The following PRR16 variants were observed in gnomAD, a reference collection of about 807,000 sequenced individuals.
The protein encoded by PRR16 is proline rich 16.
PRR16 carries 6 observed loss-of-function variants against 18.2 expected under a neutral mutation model. The ratio of observed to expected loss-of-function variants is 0.33; its 90% confidence interval spans 0.18 to 0.65. The LOEUF is 0.65. Ranked by LOEUF, PRR16 falls within the 30% of genes least tolerant of loss-of-function variation. The pLI, the probability that PRR16 is intolerant of heterozygous loss-of-function variation, is 0.74. For missense variants in PRR16, 412 were observed against 376.6 expected (o/e 1.09, Z -0.78); for synonymous variants, 151 against 147.8 (o/e 1.02, Z -0.16).
intron 1 of PRR16, among the ~76,000 whole-genome samples, chr5:120,482,920 C>A (rs1749667199): frequency 6.6e-6 from 1 of 152,144 alleles, no homozygotes; most frequent in South Asian, 2.1e-4. Flanking sequence ...TTTTCAGTGT[C>A]TGAACAACTG....
At position 120,599,766 on chromosome 5, in the gene PRR16, G is replaced by A. The variant is rs77752354; in HGVS notation, c.160-86188G>A. The stretch of plus-strand genomic sequence containing the variant: ...GCCTTGACCTGGCCTCTAGCCCAGC[G>A]TCTTTCAGTTTAGAACCAAGTCTTT... On this transcript the variant is annotated intron_variant, in intron 1 of 1. Transcript: ENST00000407149. Among the ~76,000 whole-genome samples, 369 of 151,878 alleles carry A rather than the reference G, an allele frequency of 2.4e-3. 2 individuals are homozygous for A. Among genetic ancestry groups the A allele is most frequent in the African/African-American group, 8.6e-3 (356 of 41,466 alleles).
chr5:120,586,676 G>A (rs1010470460), intron 1 of PRR16, among the ~76,000 whole-genome samples: 1 of 152,120 alleles, frequency 6.6e-6, no homozygotes, highest in Non-Finnish European at 1.5e-5. Flanking sequence ...GAGAAATGTT[G>A]TGTATGTTCT....
chr5:120,750,321 C>A, the PRR16 span, among the ~76,000 whole-genome samples: 2 of 152,006 alleles, frequency 1.3e-5, no homozygotes, highest in African/African-American at 4.8e-5. Flanking sequence ...TCAACCAATA[C>A]TTTTACCCCG....
chr5:120,485,701 A>T (rs1749774954), intron 1 of PRR16, among the ~76,000 whole-genome samples: 1 of 152,126 alleles, frequency 6.6e-6, no homozygotes, highest in South Asian at 2.1e-4. Context: ...CACAACGTGC[A>T]GGTTAGTTAC....
At chr5:120,624,962 T>G (rs1219172688) in intron 1 of PRR16, among the ~76,000 whole-genome samples, 2 of 152,108 alleles carry the variant, frequency 1.3e-5, no homozygotes, top group African/African-American at 4.8e-5. Context: ...TGCCACCATG[T>G]GAGATGTGCC....
At chr5:120,470,076 A>C (rs1473092077) in intron 1 of PRR16, among the ~76,000 whole-genome samples, 1 of 152,184 alleles carries the variant, frequency 6.6e-6, no homozygotes, top group African/African-American at 2.4e-5. Context: ...AGGAAAAAAG[A>C]TAGAAATGCA....
At chr5:120,653,254 T>A (rs1319689138) in intron 1 of PRR16, among the ~76,000 whole-genome samples, 2 of 151,900 alleles carry the variant, frequency 1.3e-5, no homozygotes, top group Non-Finnish European at 2.9e-5. Flanking sequence ...AGTTGAGCTA[T>A]AATTATGATT....
chr5:120,622,554 C>T (rs1020147300), intron 1 of PRR16, among the ~76,000 whole-genome samples: 1 of 152,058 alleles, frequency 6.6e-6, no homozygotes, highest in Non-Finnish European at 1.5e-5. Flanking sequence ...TCTTGGCTCA[C>T]TGCAACCTCC....
At chr5:120,694,195 G>GT in the PRR16 span, among the ~76,000 whole-genome samples, 4 of 152,062 alleles carry the variant, frequency 2.6e-5, no homozygotes, top group African/African-American at 9.7e-5. Context: ...ATGGTGGATT[G>GT]TTTTTTATTT....
chr5:120,503,658 CTTTAAG>C lies in PRR16; in HGVS notation c.159+39017_159+39022del, dbSNP rs574535382. ...AGGCAGTGATTTTTTTTTTATTATA[CTTTAAG>C]TTTTAGGGTACATGTGCACAATGTG... is the stretch of plus-strand genomic sequence containing the variant. On this transcript the variant is annotated intron_variant, in intron 1 of 1. Coordinates refer to ENST00000407149, the MANE Select transcript of PRR16 (RefSeq NM_001300783.2). Among the ~76,000 whole-genome samples, 81 of 151,936 alleles carry C rather than the reference CTTTAAG, an allele frequency of 5.3e-4. 1 individual carries two copies. The South Asian group carries it at 0.014, about 26-fold the overall frequency.
chr5:120,652,556 T>C (rs1471183352), intron 1 of PRR16, among the ~76,000 whole-genome samples: 1 of 152,038 alleles, frequency 6.6e-6, no homozygotes, highest in Non-Finnish European at 1.5e-5. Flanking sequence ...CTCTGTGGTC[T>C]TCTCAAAAAC....
chr5:120,780,848 G>A, the PRR16 span, among the ~76,000 whole-genome samples: 1 of 152,112 alleles, frequency 6.6e-6, no homozygotes, highest in Non-Finnish European at 1.5e-5. Context: ...TCAGGAGATC[G>A]AGAGCATCCT....
chr5:120,586,339 A>C (rs1338519748), intron 1 of PRR16, among the ~76,000 whole-genome samples: 1 of 152,162 alleles, frequency 6.6e-6, no homozygotes, highest in Non-Finnish European at 1.5e-5. Flanking sequence ...TTTTATCTTT[A>C]TTTCAACTGT....
intron 1 of PRR16, among the ~76,000 whole-genome samples, chr5:120,593,991 G>A (rs896409010): frequency 6.6e-6 from 1 of 151,930 alleles, no homozygotes; most frequent in Non-Finnish European, 1.5e-5. Flanking sequence ...AGGCACAGAA[G>A]GAACGTACTT....
At chr5:120,489,310 G>A in intron 1 of PRR16, among the ~76,000 whole-genome samples, 1 of 152,094 alleles carries the variant, frequency 6.6e-6, no homozygotes. Context: ...GGTCTCTAAG[G>A]ACTTGCCTTA....
intron 1 of PRR16, among the ~76,000 whole-genome samples, chr5:120,533,205 T>A (rs146459573): frequency 6.6e-6 from 1 of 152,312 alleles, no homozygotes; most frequent in Non-Finnish European, 1.5e-5. Context: ...ACTGAATATA[T>A]CTTCAAGGAA....
chr5:120,633,870 G>A (rs528775022), intron 1 of PRR16, among the ~76,000 whole-genome samples: 3 of 151,872 alleles, frequency 2.0e-5, no homozygotes, highest in South Asian at 4.2e-4. Context: ...TCCACTGACA[G>A]CACTAGATAG....
At chr5:120,484,768 G>C (rs1213000614) in intron 1 of PRR16, among the ~76,000 whole-genome samples, 1 of 150,038 alleles carries the variant, frequency 6.7e-6, no homozygotes, top group Non-Finnish European at 1.5e-5. Flanking sequence ...ATGTGGTCTT[G>C]AATTTGTAAA....
chr5:120,708,254 T>C, the PRR16 span, among the ~76,000 whole-genome samples: 1 of 152,226 alleles, frequency 6.6e-6, no homozygotes, highest in African/African-American at 2.4e-5. Context: ...TGTTCATTAC[T>C]CCTTGCTCTT....
Sources: allele counts gnomAD v4.1 joint callset (sites outside exome capture counted in the v4.1 genomes callset), GRCh38; gene constraint gnomAD v4.1.1; transcripts MANE v1.5; gene names NCBI Gene and HGNC (gene_info 2026-07-23, HGNC 2026-07-21).